The following PPM1F variants were observed in gnomAD, a reference collection of about 807,000 sequenced individuals.
The protein encoded by PPM1F is protein phosphatase 1F.
A neutral mutation model predicts 35.5 loss-of-function variants in PPM1F; 17 were observed. The ratio of observed to expected loss-of-function variants is 0.48; its 90% CI spans 0.33 to 0.72. The LOEUF (loss-of-function observed/expected upper bound fraction) is 0.72, where lower values mean the gene tolerates loss of function less well. PPM1F is among the 30% of genes least tolerant of loss of function. The pLI, the probability that PPM1F is intolerant of heterozygous loss-of-function variation, is 0.02. For synonymous variants in PPM1F, 241 were observed against 255.5 expected (o/e 0.94, Z 0.54); for missense variants, 521 against 613.0 (o/e 0.85, Z 1.59).
At chr22:21,940,524 C>G (rs1601789097) in intron 2 of PPM1F, 1 of 142,394 alleles carries the variant, frequency 7.0e-6, no homozygotes. Context: ...CACACACACA[C>G]AGAGAGAATG....
intron 3 of PPM1F, chr22:21,936,615 G>A (rs1381338459): frequency 3.3e-5 from 5 of 152,284 alleles, no homozygotes; most frequent in African/African-American, 1.2e-4. Context: ...CCCGCCTTGT[G>A]TATTCTCACT....
intron 6 of PPM1F, among the ~76,000 whole-genome samples, chr22:21,929,627 C>T (rs1684869292): frequency 6.6e-6 from 1 of 152,172 alleles, no homozygotes; most frequent in Non-Finnish European, 1.5e-5. Context: ...CATCTGACTG[C>T]ATATCCTGGG....
chr22:21,925,498 C>G (rs760517430), intron 7 of PPM1F, 71 bp downstream of exon 7: 10 of 1,370,968 alleles, frequency 7.3e-6, no homozygotes, highest in South Asian at 1.2e-5. Flanking sequence ...CCTGGTGAGC[C>G]GCGGGCCACA....
At position 21,939,576 on chromosome 22, in the gene PPM1F, T is replaced by C. The variant is rs2070702054; in HGVS notation, c.311A>G (p.Glu104Gly). The C allele has an allele frequency of 3.2e-6, 5 of 1,575,456 alleles. No individual in the cohort carries two copies. In the African/African-American group the frequency reaches 5.4e-5, roughly 17 times the overall value. Residue 104 changes from glutamate (E) to glycine (G), a missense_variant, in exon 3 of 8, where the codon GAA (glutamate) becomes GGA (glycine). Physicochemically the swap from Glu to Gly is moderately conservative, Grantham distance 98. Transcript: ENST00000263212. This position sits in a 1 kb window ranked among gnomAD's most constrained non-coding sequence, Gnocchi z 5.1. ...CTCCTCGTCATCGTCCTCCTCCTCT[T>C]CTTCTTCCTCCCTGGGCAACTTCCT... ...EFRKLPREEE[E>G]EEEDDDEEEK...
At chr22:21,936,096 G>C (rs1443373379) in intron 3 of PPM1F, 1 of 152,196 alleles carries the variant, frequency 6.6e-6, no homozygotes, top group African/African-American at 2.4e-5. Context: ...TTGAGCCAAG[G>C]ACGTCGAGGT....
At chr22:21,928,495 C>G (rs1375576732) in intron 6 of PPM1F, among the ~76,000 whole-genome samples, 1 of 152,216 alleles carries the variant, frequency 6.6e-6, no homozygotes, top group African/African-American at 2.4e-5. Flanking sequence ...TTCCTCCCAG[C>G]CTGGGGCAGT....
rs137951877 is a variant in PPM1F, at chr22:21,945,731, G to A, written c.206+112C>T. 2.1e-3 allele frequency: 2,345 copies of A among 1,120,044 alleles called. 12 individuals carry two copies. The highest frequency in any genetic ancestry group is 9.4e-3 in the South Asian group (629 of 67,212). The allele number at this position is 1,120,044 out of a possible 1,614,324, so 69.4% of individuals were successfully genotyped here. On this transcript the variant is annotated intron_variant, in intron 2 of 7. Coordinates refer to ENST00000263212, the MANE Select transcript of PPM1F (RefSeq NM_014634.4). ...ACATGGTGCTGCATAGGGATCCGGGGCTGCAGATCCCCGTGTGGGGCTGGA... is the reference window on the plus strand; with the variant it reads ...ACATGGTGCTGCATAGGGATCCGGGACTGCAGATCCCCGTGTGGGGCTGGA...
chr22:21,930,887 T>C (rs1329623004), intron 6 of PPM1F, among the ~76,000 whole-genome samples: 2 of 152,172 alleles, frequency 1.3e-5, no homozygotes, highest in Non-Finnish European at 2.9e-5. Flanking sequence ...TGGGCTGCAC[T>C]GACTGCACTG....
At chr22:21,945,603 A>T in intron 2 of PPM1F, 1 of 522,734 alleles carries the variant, frequency 1.9e-6, no homozygotes, top group Non-Finnish European at 3.4e-6. Context: ...CGCAGCTGCC[A>T]CCTTGATCTT....
chr22:21,929,325 C>T lies in PPM1F; in HGVS notation c.891+1823G>A, dbSNP rs575968079. Among the ~76,000 whole-genome samples, 10 of 152,298 alleles carry T rather than the reference C, an allele frequency of 6.6e-5. No individual in the cohort carries two copies. In the East Asian group the frequency reaches 1.9e-3, roughly 29 times the overall value. On this transcript the variant is annotated intron_variant, in intron 6 of 7. Transcript: ENST00000263212. ...GGGCTGCAGCCAAGAACACAGACAC[C>T]TGTGTGTGCTTCTCTTGTGCAAGCT...
chr22:21,930,103 T>C (rs1403696002), intron 6 of PPM1F, among the ~76,000 whole-genome samples: 3 of 152,220 alleles, frequency 2.0e-5, no homozygotes, highest in Non-Finnish European at 4.4e-5. Flanking sequence ...GCTGTGTAAA[T>C]GATCTTCAGC....
In PPM1F at chr22:21,939,418, G is replaced by T. The variant is rs1236592984; in HGVS notation, c.355+114C>A. Reference sequence around the variant, plus strand: ...TGCTCCTTGATTCTGCTGCCGTTGTGAGCGAGGGCCCCAGCACCCTTAGGG... The same window carrying T: ...TGCTCCTTGATTCTGCTGCCGTTGTTAGCGAGGGCCCCAGCACCCTTAGGG... On this transcript the variant is annotated intron_variant, in intron 3 of 7. Transcript: ENST00000263212. The surrounding 1 kb of genome is among the most constrained non-coding windows in gnomAD (Gnocchi z 5.1). 2.0e-5 allele frequency: 28 copies of T among 1,386,818 alleles called. No individual in the cohort carries two copies. The highest frequency in any genetic ancestry group is 2.6e-5 in the Non-Finnish European group (26 of 1,017,274). The allele number at this position is 1,386,818 out of a possible 1,614,324, so 85.9% of individuals were successfully genotyped here. A position where few individuals can be genotyped will look rare whatever the true frequency, so the allele number is the denominator to read the frequency against.
rs149228674 is a variant in PPM1F, at chr22:21,928,963, C to G, written c.891+2185G>C. 3.9e-5 allele frequency among the ~76,000 whole-genome samples: 6 copies of G among 152,296 alleles called. No individual in the cohort carries two copies. The East Asian group carries it at 1.2e-3, about 29-fold the overall frequency. ...CAAAGTATCTTGTGCAGAGTGGGCA[C>G]TCAGTGTTTGGAGGCTGAACTGAGT... On this transcript the variant is annotated intron_variant, in intron 6 of 7. Coordinates refer to ENST00000263212, the MANE Select transcript of PPM1F (RefSeq NM_014634.4).
At chr22:21,937,461 T>C (rs2070672448) in intron 3 of PPM1F, among the ~76,000 whole-genome samples, 1 of 152,138 alleles carries the variant, frequency 6.6e-6, no homozygotes. Flanking sequence ...TGAGAACTCA[T>C]TCAGGCAGGC....
At chr22:21,937,197 C>G (rs2070669690) in intron 3 of PPM1F, 1 of 152,428 alleles carries the variant, frequency 6.6e-6, no homozygotes, top group Admixed American at 6.5e-5. Context: ...GAGGAAAGAG[C>G]TCCTGCCTAA....
chr22:21,951,878 G>C (rs1243822191), intron 1 of PPM1F: 1 of 152,240 alleles, frequency 6.6e-6, no homozygotes, highest in Non-Finnish European at 1.5e-5. Context: ...CAATGCCTTT[G>C]GTATTTCCAC....
Position 21,923,241 on chromosome 22 carries a change from T to C in PPM1F, c.1216A>G (p.Ile406Val). 1 of 1,613,406 alleles carries C rather than the reference T, an allele frequency of 6.2e-7. No homozygotes were observed. The highest frequency in any genetic ancestry group is 8.5e-7 in the Non-Finnish European group (1 of 1,179,906). The change falls in exon 8 of 8, where the codon ATC (isoleucine) becomes GTC (valine). Residue 406 changes from isoleucine (I) to valine (V), a missense_variant. This residue lies in a region of PPM1F where 163 missense variants were observed against 169.6 expected (regional missense o/e 0.96). Coordinates refer to ENST00000263212, the MANE Select transcript of PPM1F (RefSeq NM_014634.4). ...CTGAGGAAGACCACCATGACCGTGATGTTGTCGTGGGAGCCCCGCTCCCGG... is the reference window on the plus strand; with the variant it reads ...CTGAGGAAGACCACCATGACCGTGACGTTGTCGTGGGAGCCCCGCTCCCGG... ...AARERGSHDNITVMVVFLRDP... is the reference protein window; with the variant it reads ...AARERGSHDNVTVMVVFLRDP...
Position 21,937,959 on chromosome 22 carries a change from A to G in PPM1F, c.355+1573T>C, listed in dbSNP as rs2070678696. On this transcript the variant is annotated intron_variant, in intron 3 of 7. Coordinates refer to ENST00000263212, the MANE Select transcript of PPM1F (RefSeq NM_014634.4). ...CTTCAGTGGCAATTCTTATAATACA[A>G]TCCCCACTCTGACGCAATTTTGTAA... The G allele has an allele frequency of 1.3e-4, 77 of 615,434 alleles. 1 individual carries two copies. In the South Asian group the frequency reaches 1.4e-3, roughly 11 times the overall value. 38.1% of individuals were successfully genotyped at this position (615,434 alleles called of 1,614,324 possible). A position where few individuals can be genotyped will look rare whatever the true frequency, so the allele number is the denominator to read the frequency against.
chr22:21,938,855 T>C (rs182990432), intron 3 of PPM1F: 115 of 154,146 alleles, frequency 7.5e-4, no homozygotes, highest in Admixed American at 1.4e-3. Context: ...ATAAAAGCCC[T>C]GCTTTTTAAT....
Sources: allele counts gnomAD v4.1 joint callset (sites outside exome capture counted in the v4.1 genomes callset), GRCh38; gene constraint gnomAD v4.1.1; regional missense constraint gnomAD v4.1.1; non-coding constraint Gnocchi (gnomAD v3.1); transcripts MANE v1.5; gene names NCBI Gene and HGNC (gene_info 2026-07-23, HGNC 2026-07-21).